Variants in DGKK observed in about 807,000 individuals in gnomAD.
The protein encoded by DGKK is 142 kDa diacylglycerol kinase.
A neutral mutation model predicts 92.2 loss-of-function variants in DGKK; 35 were observed. That is an observed-to-expected ratio of 0.38 (90% CI 0.29 to 0.50). The LOEUF is 0.50. Among genes scored for constraint, DGKK ranks in the 20% least tolerant of loss-of-function variants. The pLI is 0.92. For missense variants in DGKK, 910 were observed against 992.2 expected (o/e 0.92, Z 1.11); for synonymous variants, 368 against 360.6 (o/e 1.02, Z -0.23).
intron 17 of DGKK, among the ~76,000 whole-genome samples, chrX:50,383,509 A>G (rs1349647218): frequency 8.9e-6 from 1 of 112,297 alleles, no homozygotes; most frequent in Non-Finnish European, 1.9e-5. Context: ...CTTTTGAGAA[A>G]TTAAATGGAT....
At chrX:50,374,602 C>T (rs1344359451) in intron 25 of DGKK, among the ~76,000 whole-genome samples, 4 of 111,422 alleles carry the variant, frequency 3.6e-5, no homozygotes, top group African/African-American at 9.8e-5. Flanking sequence ...ACCACCTTCT[C>T]ATAGGGTGAA....
At chrX:50,446,919 A>G (rs1480490746) in intron 1 of DGKK, among the ~76,000 whole-genome samples, 1 of 110,174 alleles carries the variant, frequency 9.1e-6, no homozygotes, top group African/African-American at 3.3e-5. Flanking sequence ...GCATGTGTGC[A>G]TGTGCATGTA....
At chrX:50,388,413 A>T in intron 13 of DGKK, 114 bp downstream of exon 13, 1 of 514,159 alleles carries the variant, frequency 1.9e-6, no homozygotes, top group South Asian at 3.7e-5. Context: ...GAGAAATCTG[A>T]TTTGGGAACA....
chrX:50,369,218 C>G (rs1426543656), intron 27 of DGKK, among the ~76,000 whole-genome samples, 199 bp from the exon 28 acceptor site: 8 of 110,752 alleles, frequency 7.2e-5, no homozygotes, highest in Non-Finnish European at 1.3e-4. Context: ...ATTTTCAGAA[C>G]CTGATAATTT....
intron 1 of DGKK, among the ~76,000 whole-genome samples, chrX:50,459,360 C>T (rs1359388699): frequency 9.0e-6 from 1 of 111,054 alleles, no homozygotes; most frequent in Non-Finnish European, 1.9e-5. Flanking sequence ...AAAAAAACAA[C>T]CTTTCAAGCT....
At chrX:50,376,274 G>T in intron 23 of DGKK, 109 bp from the exon 24 acceptor site, 1 of 786,466 alleles carries the variant, frequency 1.3e-6, no homozygotes, top group South Asian at 3.2e-5. Flanking sequence ...CTGGGTACCT[G>T]ACTTGGACTC....
At chrX:50,420,544 C>G (rs372606311) in intron 3 of DGKK, 37 bp from the exon 4 acceptor site, 2 of 1,158,169 alleles carry the variant, frequency 1.7e-6, no homozygotes, top group Non-Finnish European at 2.4e-6. Context: ...GGTTCCCACT[C>G]CATAACTTTG....
intron 1 of DGKK, among the ~76,000 whole-genome samples, chrX:50,446,437 C>G (rs782374507): frequency 9.0e-6 from 1 of 111,370 alleles, no homozygotes; most frequent in Non-Finnish European, 1.9e-5. Context: ...GGTGACATCT[C>G]ATTGTGGTCT....
intron 1 of DGKK, among the ~76,000 whole-genome samples, chrX:50,427,078 G>C (rs1186122592): frequency 8.9e-6 from 1 of 112,011 alleles, no homozygotes; most frequent in East Asian, 2.8e-4. Context: ...ATTCATAATT[G>C]CCAAAACTTG....
At chrX:50,399,561 T>G (rs782446310) in intron 8 of DGKK, among the ~76,000 whole-genome samples, 2 of 112,053 alleles carry the variant, frequency 1.8e-5, no homozygotes, top group Non-Finnish European at 3.8e-5. Context: ...TAGAGAAATA[T>G]AGATTAAAAC....
Position 50,384,270 on chromosome X carries a change from C to T in DGKK, c.2453-6G>A, listed in dbSNP as rs1557224723. 3 of 1,122,122 alleles carry T rather than the reference C, an allele frequency of 2.7e-6. No individual in the cohort carries two copies. The highest frequency in any genetic ancestry group is 3.6e-6 in the Non-Finnish European group (3 of 833,809). The allele number at this position is 1,122,122 out of a possible 1,213,427, so 92.5% of individuals were successfully genotyped here. ...CAAAGTGCCACGACGAGAACCTAGA[C>T]ACAAAAGACATCACTTGGGTGACGG... On this transcript the variant is annotated splice_region_variant and splice_polypyrimidine_tract_variant and intron_variant, in intron 16 of 27. Coordinates refer to ENST00000611977, the MANE Select transcript of DGKK (RefSeq NM_001013742.4).
chrX:50,411,058 G>A (rs1234617023), intron 4 of DGKK, among the ~76,000 whole-genome samples: 1 of 111,200 alleles, frequency 9.0e-6, no homozygotes, highest in Non-Finnish European at 1.9e-5. Flanking sequence ...CATGGTCCAC[G>A]GGTCTTCCAG....
Position 50,470,170 on chromosome X carries a change from G to A in DGKK, c.509C>T (p.Ala170Val). 8.2e-7 allele frequency: 1 copy of A among 1,212,192 alleles called. No individual in the cohort carries two copies. Among genetic ancestry groups the A allele is most frequent in the Non-Finnish European group, 1.1e-6 (1 of 895,498 alleles). Reference sequence around the variant, plus strand: ...TGCTGGACTTGGACGGAACTCTGGAGCCGCCTCAGGGCAGAACTCTGGGGC... The same window carrying A: ...TGCTGGACTTGGACGGAACTCTGGAACCGCCTCAGGGCAGAACTCTGGGGC... ...ELAPEFCPEA[A>V]PEFRPSPAPC... Residue 170 changes from alanine (A) to valine (V), a missense_variant, in exon 1 of 28, where the codon GCT becomes GTT. Transcript: ENST00000611977.
intron 1 of DGKK, among the ~76,000 whole-genome samples, chrX:50,456,731 T>A (rs900739362): frequency 9.0e-5 from 10 of 111,465 alleles, no homozygotes; most frequent in Admixed American, 2.9e-4. Flanking sequence ...GACCACACAA[T>A]CAATATGGGC....
intron 10 of DGKK, 26 bp downstream of exon 10, chrX:50,392,315 C>T (rs1557225638): frequency 1.7e-6 from 2 of 1,149,073 alleles, no homozygotes; most frequent in Non-Finnish European, 2.4e-6. Context: ...CTAGCAATGG[C>T]TAAACTGAGT....
chrX:50,379,522 T>C (rs1924359668), intron 20 of DGKK, 105 bp downstream of exon 20: 1 of 659,471 alleles, frequency 1.5e-6, no homozygotes, highest in South Asian at 2.6e-5. Flanking sequence ...CCACCTCCTC[T>C]TCTCCCATTG....
chrX:50,449,676 C>G (rs906622917), intron 1 of DGKK, among the ~76,000 whole-genome samples: 1 of 110,916 alleles, frequency 9.0e-6, no homozygotes, highest in African/African-American at 3.3e-5. Flanking sequence ...ACTGTTTACA[C>G]CACTAGTACC....
At chrX:50,429,807 C>T (rs972732992) in intron 1 of DGKK, among the ~76,000 whole-genome samples, 2 of 112,469 alleles carry the variant, frequency 1.8e-5, no homozygotes, top group Non-Finnish European at 3.8e-5. Context: ...CATTCGTTGG[C>T]GGGCGAGAAG....
chrX:50,399,639 T>C (rs1569544469), intron 8 of DGKK, among the ~76,000 whole-genome samples: 1 of 112,453 alleles, frequency 8.9e-6, no homozygotes, highest in East Asian at 2.8e-4. Flanking sequence ...AAACTAATCA[T>C]ACACAAACTG....
Sources: gnomAD v4.1 joint callset for allele counts (sites outside exome capture counted in the v4.1 genomes callset) on GRCh38, gnomAD v4.1.1 for gene constraint, MANE v1.5 for transcripts, NCBI Gene and HGNC (gene_info 2026-07-23, HGNC 2026-07-21) for gene names.